The following PDE11A variants were observed in gnomAD, a reference collection of about 807,000 sequenced individuals.
PDE11A encodes the protein phosphodiesterase 11A.
Under a neutral mutation model 100.5 loss-of-function variants are expected in PDE11A, and 100 were observed. The observed-to-expected ratio is 1.00, with a 90% confidence interval of 0.85 to 1.18. The LOEUF is 1.18. Among genes scored for constraint, PDE11A ranks in the 50% most tolerant of loss-of-function variants. The pLI is 0.00. For missense variants in PDE11A, 1,141 were observed against 1,152.6 expected, an observed-to-expected ratio of 0.99 and a Z score of 0.15; for synonymous variants, 381 against 420.8, an observed-to-expected ratio of 0.91 and a Z score of 1.16.
chr2:177,757,148 G>C (rs2082101222), intron 10 of PDE11A, among the ~76,000 whole-genome samples: 1 of 152,082 alleles, frequency 6.6e-6, no homozygotes, highest in African/African-American at 2.4e-5. Context: ...AATAATAGTA[G>C]GGTTTTTGTG....
chr2:177,990,692 C>G (rs1433796846), intron 2 of PDE11A, among the ~76,000 whole-genome samples: 2 of 150,342 alleles, frequency 1.3e-5, no homozygotes, highest in Non-Finnish European at 3.0e-5. Context: ...GAGCTGAGAT[C>G]GCACCATTGC....
At chr2:177,990,029 C>T (rs1041533929) in intron 2 of PDE11A, among the ~76,000 whole-genome samples, 2 of 152,108 alleles carry the variant, frequency 1.3e-5, no homozygotes, top group African/African-American at 4.8e-5. Context: ...TTGAATCCAA[C>T]CTAAAACTCA....
chr2:177,946,648 C>A (rs2085436789), intron 2 of PDE11A, among the ~76,000 whole-genome samples: 1 of 114,064 alleles, frequency 8.8e-6, no homozygotes, highest in Non-Finnish European at 2.0e-5. Flanking sequence ...GGGGGTCAGC[C>A]CCCCGCCCGG....
intron 19 of PDE11A, among the ~76,000 whole-genome samples, chr2:177,651,660 G>A (rs1267951313): frequency 1.3e-5 from 2 of 151,844 alleles, no homozygotes; most frequent in African/African-American, 4.8e-5. Context: ...CTCTCTTTCT[G>A]TATGTCTCTG....
chr2:177,820,967 A>G (rs2083130089), intron 6 of PDE11A, among the ~76,000 whole-genome samples: 1 of 151,930 alleles, frequency 6.6e-6, no homozygotes, highest in East Asian at 1.9e-4. Flanking sequence ...ATGGTTAGAG[A>G]GAAACCACTA....
intron 6 of PDE11A, among the ~76,000 whole-genome samples, chr2:177,833,299 C>T (rs926304690): frequency 1.3e-5 from 2 of 152,190 alleles, no homozygotes; most frequent in Non-Finnish European, 2.9e-5. Context: ...TTATGTAGGA[C>T]TTTACATGTT....
chr2:177,729,959 A>G (rs535570316), intron 10 of PDE11A, among the ~76,000 whole-genome samples: 415 of 152,258 alleles, frequency 2.7e-3, no homozygotes, highest in Non-Finnish European at 4.8e-3. Context: ...ATTAGCTATA[A>G]TAAATTATTA....
At chr2:178,069,924 C>T (rs1574381882) in intron 1 of PDE11A, among the ~76,000 whole-genome samples, 1 of 152,030 alleles carries the variant, frequency 6.6e-6, no homozygotes. Flanking sequence ...GAAAAGGCTG[C>T]AACCCTAGGC....
At chr2:177,767,764 C>T (rs1045143628) in intron 10 of PDE11A, among the ~76,000 whole-genome samples, 1 of 152,146 alleles carries the variant, frequency 6.6e-6, no homozygotes, top group Non-Finnish European at 1.5e-5. Context: ...TATTCATTCA[C>T]TTTTCCATTC....
intron 5 of PDE11A, among the ~76,000 whole-genome samples, chr2:177,853,784 G>A (rs893199908): frequency 9.0e-5 from 12 of 133,174 alleles, no homozygotes; most frequent in African/African-American, 3.4e-4. Context: ...CTATATATGT[G>A]TATAGATATA....
chr2:177,915,887 C>T (rs958474751), intron 2 of PDE11A, among the ~76,000 whole-genome samples: 5 of 152,226 alleles, frequency 3.3e-5, no homozygotes, highest in Admixed American at 2.6e-4. Context: ...CTTCCACCTT[C>T]ACTGTGTAAT....
At chr2:177,811,004 A>G (rs772769145) in intron 9 of PDE11A, among the ~76,000 whole-genome samples, 3 of 152,152 alleles carry the variant, frequency 2.0e-5, no homozygotes, top group Non-Finnish European at 4.4e-5. Context: ...AGCTGTATGC[A>G]GTGTCCCTTA....
chr2:178,101,309 A>C (rs2087556787), intron 2 of PDE11A, among the ~76,000 whole-genome samples: 1 of 152,262 alleles, frequency 6.6e-6, no homozygotes, highest in South Asian at 2.1e-4. Flanking sequence ...AGAGACCCAT[A>C]GGGTGACAGC....
In PDE11A at chr2:177,623,489, T is replaced by C. The variant is rs2105419912; in HGVS notation, c.*5918A>G. On this transcript the variant is annotated 3_prime_UTR_variant, in exon 20 of 20. Coordinates refer to ENST00000286063, the MANE Select transcript of PDE11A (RefSeq NM_016953.4). ...TAGGAAGGAAGTCAGTAGGAGATCC[T>C]TTTTAGGTTATTGTACATGAAAATA... 1 of 152,350 alleles carries C rather than the reference T, an allele frequency of 6.6e-6. No individual in the cohort carries two copies. The highest frequency in any genetic ancestry group is 3.4e-3 in the Middle Eastern group (1 of 294). The allele number at this position is 152,350 out of a possible 1,614,324, so 9.4% of individuals were successfully genotyped here.
At chr2:177,717,380 T>C (rs2081455323) in intron 12 of PDE11A, among the ~76,000 whole-genome samples, 1 of 150,548 alleles carries the variant, frequency 6.6e-6, no homozygotes, top group Non-Finnish European at 1.5e-5. Context: ...AAAAGTCAAC[T>C]GCCTGCTGAA....
chr2:178,017,947 C>G (rs1486461210), intron 1 of PDE11A: 1 of 153,972 alleles, frequency 6.5e-6, no homozygotes, highest in African/African-American at 2.4e-5. Context: ...GCGAGTGAGA[C>G]TCCGTCTCAA....
intron 1 of PDE11A, among the ~76,000 whole-genome samples, chr2:178,049,895 GC>G (rs1403636456): frequency 2.0e-5 from 3 of 152,200 alleles, no homozygotes; most frequent in African/African-American, 7.2e-5. Flanking sequence ...AAGGAAGCCT[GC>G]CTGCCTCTGT....
chr2:177,959,311 C>A (rs762692896), intron 2 of PDE11A, among the ~76,000 whole-genome samples: 9 of 152,096 alleles, frequency 5.9e-5, no homozygotes, highest in Non-Finnish European at 8.8e-5. Flanking sequence ...TGATGCAGGA[C>A]CTCGGAAGCC....
At chr2:177,669,614 C>G in intron 17 of PDE11A, 47 bp from the exon 18 acceptor site, 1 of 861,876 alleles carries the variant, frequency 1.2e-6, no homozygotes, top group Non-Finnish European at 2.0e-6. Context: ...TAGTTTATCA[C>G]GAGACTCAGA....
Sources: gnomAD v4.1 joint callset for allele counts (sites outside exome capture counted in the v4.1 genomes callset) on GRCh38, gnomAD v4.1.1 for gene constraint, MANE v1.5 for transcripts, NCBI Gene and HGNC (gene_info 2026-07-23, HGNC 2026-07-21) for gene names.